The following YAF2 variants were observed in gnomAD, a reference collection of about 807,000 sequenced individuals.
The protein encoded by YAF2 is YY1-associated factor 2.
YAF2 carries 7 observed loss-of-function variants against 20.1 expected under a neutral mutation model. The observed-to-expected ratio is 0.35, with a 90% CI of 0.20 to 0.65. The LOEUF (loss-of-function observed/expected upper bound fraction) is 0.65, where lower values mean the gene tolerates loss of function less well. Among genes scored for constraint, YAF2 ranks in the 30% least tolerant of loss-of-function variants. The pLI is 0.69. For synonymous variants in YAF2, 74 were observed against 76.0 expected (o/e 0.97, Z 0.14); for missense variants, 151 against 219.2 (o/e 0.69, Z 1.96).
intron 2 of YAF2, chr12:42,210,794 T>C: frequency 6.5e-6 from 6 of 920,124 alleles, no homozygotes; most frequent in Non-Finnish European, 9.1e-6. Context: ...AAAGTAAATA[T>C]GGAAACAATT....
intron 2 of YAF2, among the ~76,000 whole-genome samples, chr12:42,211,783 T>C (rs2137237502): frequency 6.6e-6 from 1 of 150,450 alleles, no homozygotes; most frequent in East Asian, 2.0e-4. Context: ...GCACGGTGGC[T>C]TGCACCTGTG....
chr12:42,201,230 T>C (rs2137160210), intron 2 of YAF2, among the ~76,000 whole-genome samples: 1 of 152,316 alleles, frequency 6.6e-6, no homozygotes, highest in South Asian at 2.1e-4. Flanking sequence ...TTCTCTAGAC[T>C]AATACCTTGA....
chr12:42,194,919 T>C (rs1178427167), intron 2 of YAF2, among the ~76,000 whole-genome samples: 2 of 152,220 alleles, frequency 1.3e-5, no homozygotes, highest in East Asian at 1.9e-4. Flanking sequence ...ATAAATGAGA[T>C]GATCACGCCT....
At chr12:42,195,737 G>A (rs886641720) in intron 2 of YAF2, among the ~76,000 whole-genome samples, 6 of 152,190 alleles carry the variant, frequency 3.9e-5, no homozygotes, top group African/African-American at 1.2e-4. Flanking sequence ...ATAGACCATC[G>A]AACCAGTCAT....
intron 2 of YAF2, among the ~76,000 whole-genome samples, chr12:42,212,049 C>A (rs769829669): frequency 3.0e-4 from 46 of 151,850 alleles, no homozygotes; most frequent in Non-Finnish European, 6.2e-4. Flanking sequence ...AAAAAAAAGT[C>A]TTTAACCATT....
intron 2 of YAF2, among the ~76,000 whole-genome samples, chr12:42,221,058 A>G (rs968399758): frequency 2.6e-5 from 4 of 152,206 alleles, no homozygotes; most frequent in Non-Finnish European, 5.9e-5. Context: ...TAAATATAGG[A>G]AAAAAGACAG....
At chr12:42,235,122 G>C (rs546438572) in intron 2 of YAF2, 107 of 986,216 alleles carry the variant, frequency 1.1e-4, no homozygotes, top group Non-Finnish European at 1.3e-4. Flanking sequence ...CAATGAGGCA[G>C]AATCAGTTCA....
intron 2 of YAF2, among the ~76,000 whole-genome samples, chr12:42,183,180 T>G (rs2066388234): frequency 7.2e-5 from 11 of 152,182 alleles, no homozygotes; most frequent in Admixed American, 7.2e-4. Context: ...GCTGCTCCAC[T>G]GACCAGCTGT....
chr12:42,190,692 A>G (rs2066591351), intron 2 of YAF2, among the ~76,000 whole-genome samples: 1 of 151,988 alleles, frequency 6.6e-6, no homozygotes, highest in African/African-American at 2.4e-5. Context: ...TTTTTATTGT[A>G]ATTATTTTCT....
intron 2 of YAF2, among the ~76,000 whole-genome samples, chr12:42,195,289 T>C (rs773290385): frequency 1.3e-5 from 2 of 152,226 alleles, no homozygotes; most frequent in African/African-American, 4.8e-5. Context: ...GCTGGCAATA[T>C]ACTATCACGT....
chr12:42,217,453 TC>T (rs995336498), intron 2 of YAF2, among the ~76,000 whole-genome samples: 1 of 152,078 alleles, frequency 6.6e-6, no homozygotes, highest in Non-Finnish European at 1.5e-5. Context: ...ATATAAATAT[TC>T]CTTAAAAAAC....
At chr12:42,210,767 C>T (rs1445563337) in intron 2 of YAF2, 4 of 1,241,124 alleles carry the variant, frequency 3.2e-6, no homozygotes, top group African/African-American at 1.5e-5. Context: ...CACTAGATAA[C>T]TATATATACA....
chr12:42,192,732 T>C (rs572759366), intron 2 of YAF2, among the ~76,000 whole-genome samples: 6 of 152,160 alleles, frequency 3.9e-5, no homozygotes, highest in Non-Finnish European at 8.8e-5. Context: ...GATTTAAAGA[T>C]TTTGGTCAAG....
chr12:42,180,066 G>C (rs1683195), intron 2 of YAF2, among the ~76,000 whole-genome samples: 105,081 of 152,014 alleles, frequency 0.69, 37,342 homozygotes, highest in African/African-American at 0.86. Context: ...CATTAACTTA[G>C]TCACTCATGA....
chr12:42,174,618 T>C (rs1333088887), intron 2 of YAF2, among the ~76,000 whole-genome samples: 1 of 152,146 alleles, frequency 6.6e-6, no homozygotes, highest in Non-Finnish European at 1.5e-5. Flanking sequence ...CTCTTAAAAA[T>C]GCAAATTCTC....
chr12:42,238,016 G>C, intron 1 of YAF2, 139 bp downstream of exon 1: 2 of 523,242 alleles, frequency 3.8e-6, no homozygotes, highest in East Asian at 6.3e-5. Flanking sequence ...GCCCCCTCAA[G>C]CGGCAGCACT....
At chr12:42,194,482 A>G (rs563726461) in intron 2 of YAF2, among the ~76,000 whole-genome samples, 71 of 152,266 alleles carry the variant, frequency 4.7e-4, no homozygotes, top group African/African-American at 1.3e-3. Flanking sequence ...CGTCTCTACT[A>G]AAAAAACAAA....
At chr12:42,207,340 T>C (rs2067072930) in intron 2 of YAF2, among the ~76,000 whole-genome samples, 1 of 152,228 alleles carries the variant, frequency 6.6e-6, no homozygotes, top group East Asian at 1.9e-4. Context: ...AATAATCTTC[T>C]AAGATATTCA....
intron 2 of YAF2, among the ~76,000 whole-genome samples, chr12:42,168,437 C>T (rs910769358): frequency 6.6e-6 from 1 of 152,050 alleles, no homozygotes; most frequent in Non-Finnish European, 1.5e-5. Context: ...CTGCCTCGGC[C>T]TACCAAAGTG....
Sources: allele counts gnomAD v4.1 joint callset (sites outside exome capture counted in the v4.1 genomes callset), GRCh38; gene constraint gnomAD v4.1.1; transcripts MANE v1.5; gene names NCBI Gene and HGNC (gene_info 2026-07-23, HGNC 2026-07-21).